MAMLD1: variants seen among roughly 807,000 people sequenced by gnomAD.
The protein encoded by MAMLD1 is mastermind like domain containing 1.
Under a neutral mutation model 45.0 loss-of-function variants are expected in MAMLD1, and 14 were observed. The ratio of observed to expected loss-of-function variants is 0.31; its 90% CI spans 0.21 to 0.49. The LOEUF is 0.49. Ranked by LOEUF, MAMLD1 falls within the 20% of genes least tolerant of loss-of-function variation. The pLI, the probability that MAMLD1 is intolerant of heterozygous loss-of-function variation, is 0.99. For synonymous variants in MAMLD1, 254 were observed against 247.8 expected, an observed-to-expected ratio of 1.02 and a Z score of -0.24; for missense variants, 543 against 603.6, an observed-to-expected ratio of 0.90 and a Z score of 1.05.
Position 150,470,837 on chromosome X carries a change from G to C in MAMLD1, c.1264G>C (p.Gly422Arg), listed in dbSNP as rs781938684. 11 of 1,210,137 alleles carry C rather than the reference G, an allele frequency of 9.1e-6. No homozygotes were observed. The East Asian group carries it at 3.0e-4, about 33-fold the overall frequency. Residue 422 changes from glycine to arginine, a missense_variant, in exon 4 of 8, where the codon GGC becomes CGC. Gly to Arg is a moderately radical substitution (Grantham distance 125, BLOSUM62 -2). Transcript: ENST00000370401. ...TGCTCTCACTCAACAGCCGCAGTTC[G>C]GCCCTCAGAGCTCCATTCTTGCCAA... ...SPALTQQPQF[G>R]PQSSILANLM...
chrX:150,419,373 G>A (rs1557403328), intron 1 of MAMLD1, among the ~76,000 whole-genome samples: 1 of 106,461 alleles, frequency 9.4e-6, no homozygotes, highest in Non-Finnish European at 1.9e-5. Flanking sequence ...GCACACTGAT[G>A]GGTCTTGACT....
intron 1 of MAMLD1, among the ~76,000 whole-genome samples, chrX:150,433,585 C>T (rs1323132603): frequency 9.0e-6 from 1 of 111,721 alleles, no homozygotes; most frequent in Non-Finnish European, 1.9e-5. Context: ...TATGTCCCTT[C>T]AATGCCTAGT....
chrX:150,460,311 A>G (rs1428469646), intron 2 of MAMLD1, among the ~76,000 whole-genome samples: 1 of 111,119 alleles, frequency 9.0e-6, no homozygotes, highest in Non-Finnish European at 1.9e-5. Flanking sequence ...CACTCTGATG[A>G]AAGTCACATT....
chrX:150,403,977 AAAGAAAGAAAGAAAGAAAG>A (rs2033921839), intron 1 of MAMLD1, among the ~76,000 whole-genome samples: 1 of 99,080 alleles, frequency 1.0e-5, no homozygotes, highest in Non-Finnish European at 2.0e-5. Context: ...AGAAAGAAAG[AAAGAAAGAAAGAAAGAAAG>A]AAGAAAGGAA....
intron 1 of MAMLD1, among the ~76,000 whole-genome samples, chrX:150,429,941 T>A (rs989318406): frequency 3.6e-5 from 4 of 110,454 alleles, no homozygotes; most frequent in Non-Finnish European, 7.6e-5. Flanking sequence ...TTACTTGCCA[T>A]CTGTATATCC....
chrX:150,370,192 C>T (rs1179083308), intron 1 of MAMLD1, among the ~76,000 whole-genome samples: 1 of 109,528 alleles, frequency 9.1e-6, no homozygotes, highest in Non-Finnish European at 1.9e-5. Context: ...GCACAATAAA[C>T]CAATTCCCAT....
intron 1 of MAMLD1, among the ~76,000 whole-genome samples, chrX:150,429,609 A>C (rs945239530): frequency 9.0e-6 from 1 of 111,576 alleles, no homozygotes; most frequent in Non-Finnish European, 1.9e-5. Flanking sequence ...AATTTTAAAA[A>C]TTTATAAGAA....
chrX:150,425,854 G>A (rs926980707), intron 1 of MAMLD1, among the ~76,000 whole-genome samples: 1 of 112,423 alleles, frequency 8.9e-6, no homozygotes, highest in Admixed American at 9.4e-5. Flanking sequence ...GGTTGTTGGA[G>A]CGAGCCAGTG....
chrX:150,369,547 A>C lies in MAMLD1; in HGVS notation c.-64+6017A>C, dbSNP rs1394675931. Among the ~76,000 whole-genome samples the C allele has an allele frequency of 2.7e-5, 3 of 112,755 alleles. 1 individual carries two copies. In the Admixed American group the frequency reaches 2.8e-4, roughly 11 times the overall value. On this transcript the variant is annotated intron_variant, in intron 1 of 7. Transcript: ENST00000370401. ...GTGTCTTTTGCAAGTGTGAACTTCT[A>C]ACCCAGAATCAGAGACAGCGGACAT...
At chrX:150,501,000 G>C (rs782242300) in intron 5 of MAMLD1, among the ~76,000 whole-genome samples, 3 of 111,727 alleles carry the variant, frequency 2.7e-5, no homozygotes, top group Non-Finnish European at 5.6e-5. Context: ...CTTGATTGCT[G>C]CTGAAATAGA....
At chrX:150,368,859 A>T (rs1472755254) in intron 1 of MAMLD1, among the ~76,000 whole-genome samples, 1 of 112,146 alleles carries the variant, frequency 8.9e-6, no homozygotes, top group African/African-American at 3.2e-5. Flanking sequence ...TTTGTCAAAG[A>T]TCAGATGGTT....
intron 1 of MAMLD1, among the ~76,000 whole-genome samples, chrX:150,403,292 G>T (rs1409372263): frequency 5.4e-5 from 6 of 111,452 alleles, no homozygotes; most frequent in African/African-American, 2.0e-4. Flanking sequence ...AGTTGCCAGG[G>T]ACTGAGGTGG....
intron 3 of MAMLD1, among the ~76,000 whole-genome samples, chrX:150,464,652 T>A (rs1438592818): frequency 1.8e-5 from 2 of 111,738 alleles, no homozygotes; most frequent in Non-Finnish European, 3.8e-5. Flanking sequence ...CCATCCCCCA[T>A]CTCTTTGTCT....
At chrX:150,505,231 G>A (rs192423683) in intron 6 of MAMLD1, 1 of 188,693 alleles carries the variant, frequency 5.3e-6, no homozygotes. Flanking sequence ...CTCTAGAAGG[G>A]CAAGGAAAGA....
At position 150,369,517 on chromosome X, in the gene MAMLD1, T is replaced by G. The variant is rs782305793; in HGVS notation, c.-64+5987T>G. On this transcript the variant is annotated intron_variant, in intron 1 of 7. Transcript: ENST00000370401. Reference sequence around the variant, plus strand: ...AATACAAAAGTGTGAAGTGTTCACCTTTTTGTGTCTTTTGCAAGTGTGAAC... The same window carrying G: ...AATACAAAAGTGTGAAGTGTTCACCGTTTTGTGTCTTTTGCAAGTGTGAAC... Among the ~76,000 whole-genome samples, 5 of 110,759 alleles carry G rather than the reference T, an allele frequency of 4.5e-5. No homozygotes were observed. In the South Asian group the frequency reaches 1.8e-3, roughly 40 times the overall value.
chrX:150,478,939 C>T (rs782307803), intron 5 of MAMLD1, among the ~76,000 whole-genome samples: 1 of 111,842 alleles, frequency 8.9e-6, no homozygotes, highest in Non-Finnish European at 1.9e-5. Flanking sequence ...ATTCGGGGAC[C>T]GATATCTCAG....
chrX:150,479,819 GA>G (rs781927770), intron 5 of MAMLD1, among the ~76,000 whole-genome samples: 5 of 112,030 alleles, frequency 4.5e-5, no homozygotes, highest in Non-Finnish European at 9.4e-5. Context: ...GTCCCCAGGT[GA>G]AAAGTTCGCA....
At chrX:150,478,798 T>C (rs1320143681) in intron 5 of MAMLD1, among the ~76,000 whole-genome samples, 2 of 112,668 alleles carry the variant, frequency 1.8e-5, no homozygotes, top group African/African-American at 6.5e-5. Flanking sequence ...TTAAACATGA[T>C]GGTACATACA....
chrX:150,424,527 G>A (rs1390092999), intron 1 of MAMLD1, among the ~76,000 whole-genome samples: 2 of 111,640 alleles, frequency 1.8e-5, no homozygotes. Flanking sequence ...AGCACTGCTA[G>A]GTCAGCATAT....
Sources: gnomAD v4.1 joint callset for allele counts (sites outside exome capture counted in the v4.1 genomes callset) on GRCh38, gnomAD v4.1.1 for gene constraint, MANE v1.5 for transcripts, NCBI Gene and HGNC (gene_info 2026-07-23, HGNC 2026-07-21) for gene names.